Variants in AFF2 observed in about 807,000 individuals in gnomAD.
AFF2 encodes the protein AF4/FMR2 family member 2.
AFF2 carries 14 observed loss-of-function variants against 76.9 expected under a neutral mutation model. That is an observed-to-expected ratio of 0.18 (90% CI 0.12 to 0.28). AFF2 has a LOEUF of 0.28. Ranked by LOEUF, AFF2 falls within the 10% of genes least tolerant of loss-of-function variation. The pLI, the probability that AFF2 is intolerant of heterozygous loss-of-function variation, is 1.00. For missense variants in AFF2, 868 were observed against 1,001.1 expected (o/e 0.87, Z 1.79); for synonymous variants, 398 against 366.7 (o/e 1.09, Z -0.98).
In AFF2 at chrX:148,708,585, T is replaced by G. The variant is rs2054916600; in HGVS notation, c.1041+45817T>G. Among the ~76,000 whole-genome samples the G allele has an allele frequency of 2.7e-5, 3 of 112,055 alleles. No individual in the cohort carries two copies. In the South Asian group the frequency reaches 1.1e-3, roughly 42 times the overall value. On this transcript the variant is annotated intron_variant, in intron 3 of 20. Transcript: ENST00000370460. ...AGATTTCATGGGTCAACTTGTTTGT[T>G]TAAATGTAGTCCCAGATACTCGAGC...
chrX:148,749,947 C>CTTTATTTATTTATTTA lies in AFF2; in HGVS notation c.1042-59909_1042-59894dup, dbSNP rs56019532. On this transcript the variant is annotated intron_variant, in intron 3 of 20. Transcript: ENST00000370460. ...CACCATGATGCTGAGGGCCTGCACC[C>CTTTATTTATTTATTTA]TTTATTTATTTATTTATTTATTTAT... 2.9e-3 allele frequency among the ~76,000 whole-genome samples: 291 copies of CTTTATTTATTTATTTA among 101,761 alleles called. 1 individual carries two copies. Among genetic ancestry groups the CTTTATTTATTTATTTA allele is most frequent in the Non-Finnish European group, 4.3e-3 (215 of 50,029 alleles). 88.4% of individuals were successfully genotyped at this position (101,761 alleles called of 115,157 possible).
At chrX:148,954,828 C>T (rs782114910) in intron 10 of AFF2, among the ~76,000 whole-genome samples, 21 of 111,888 alleles carry the variant, frequency 1.9e-4, no homozygotes, top group African/African-American at 5.2e-4. Flanking sequence ...GTTTTTAATT[C>T]TGTCACCCTC....
In AFF2 at chrX:148,653,216, A is replaced by C. The variant is rs185696327; in HGVS notation, c.180+1085A>C. 2.1e-3 allele frequency among the ~76,000 whole-genome samples: 234 copies of C among 112,034 alleles called. 1 individual carries two copies. The highest frequency in any genetic ancestry group is 6.8e-3 in the African/African-American group (211 of 30,831). ...CTAAGCTACTGGTTTTCAATCTGTC[A>C]GTAATAGTATGATCCCTAAAAAAGC... On this transcript the variant is annotated intron_variant, in intron 2 of 20. Coordinates refer to ENST00000370460, the MANE Select transcript of AFF2 (RefSeq NM_002025.4).
At chrX:148,506,647 T>G (rs782756135) in intron 1 of AFF2, among the ~76,000 whole-genome samples, 1 of 111,120 alleles carries the variant, frequency 9.0e-6, no homozygotes, top group East Asian at 2.8e-4. Flanking sequence ...ATCTGAATGC[T>G]CAAATTTTGA....
At chrX:148,953,990 G>A (rs1161483126) in intron 10 of AFF2, among the ~76,000 whole-genome samples, 12 of 112,215 alleles carry the variant, frequency 1.1e-4, no homozygotes, top group Admixed American at 9.4e-4. Flanking sequence ...GACTCACTTA[G>A]CTTCTCTTAG....
At chrX:148,724,249 C>A (rs1309937738) in intron 3 of AFF2, among the ~76,000 whole-genome samples, 1 of 110,802 alleles carries the variant, frequency 9.0e-6, no homozygotes, top group Non-Finnish European at 1.9e-5. Context: ...TCTCCTATGG[C>A]AGACCTCAGA....
chrX:148,833,684 C>G (rs2124662774), intron 4 of AFF2, among the ~76,000 whole-genome samples: 1 of 111,442 alleles, frequency 9.0e-6, no homozygotes, highest in African/African-American at 3.3e-5. Context: ...TGCTGTGTGA[C>G]CTTGGACAAG....
chrX:148,971,598 C>T (rs2072252870), intron 15 of AFF2, among the ~76,000 whole-genome samples: 1 of 107,932 alleles, frequency 9.3e-6, no homozygotes, highest in African/African-American at 3.4e-5. Context: ...ACCTTCCCGC[C>T]TCTCATTTCT....
chrX:148,666,375 A>G (rs1177247701), intron 3 of AFF2, among the ~76,000 whole-genome samples: 1 of 110,822 alleles, frequency 9.0e-6, no homozygotes, highest in Non-Finnish European at 1.9e-5. Context: ...TCATGAAGTC[A>G]AGAGATCTAG....
chrX:148,934,986 G>A (rs1313054945), intron 9 of AFF2, among the ~76,000 whole-genome samples: 2 of 111,207 alleles, frequency 1.8e-5, no homozygotes, highest in Non-Finnish European at 3.8e-5. Flanking sequence ...TATATGGATG[G>A]GTGATTGGTT....
chrX:148,548,165 G>A (rs2052946580), intron 1 of AFF2, among the ~76,000 whole-genome samples: 1 of 112,407 alleles, frequency 8.9e-6, no homozygotes, highest in East Asian at 2.8e-4. Flanking sequence ...GTTTGTTAAT[G>A]TAAGTGCTCC....
intron 1 of AFF2, among the ~76,000 whole-genome samples, chrX:148,508,592 A>T (rs2052449468): frequency 1.8e-5 from 2 of 111,818 alleles, no homozygotes; most frequent in Non-Finnish European, 3.8e-5. Flanking sequence ...TGACAACCTG[A>T]CTATCTGTTG....
At chrX:148,505,094 G>A (rs782720864) in intron 1 of AFF2, among the ~76,000 whole-genome samples, 3 of 111,891 alleles carry the variant, frequency 2.7e-5, no homozygotes, top group Non-Finnish European at 5.6e-5. Flanking sequence ...TCTTAAAAGG[G>A]AGACTGCCTA....
chrX:148,877,842 G>C (rs960573874), intron 7 of AFF2, among the ~76,000 whole-genome samples: 42 of 112,158 alleles, frequency 3.7e-4, no homozygotes, highest in African/African-American at 1.3e-3. Context: ...TAGTATTTCA[G>C]TTGTTTTGGA....
chrX:148,709,552 TTTGAGTAGTGTATGATACA>T (rs1319059310), intron 3 of AFF2, among the ~76,000 whole-genome samples: 1 of 112,483 alleles, frequency 8.9e-6, no homozygotes, highest in Non-Finnish European at 1.9e-5. Flanking sequence ...TGTTAAATCC[TTTGAGTAGTGTATGATACA>T]TTGTAATCAC....
At position 148,879,774 on chromosome X, in the gene AFF2, A is replaced by G. The variant is rs1278192373; in HGVS notation, c.1263-6115A>G. 2.6e-4 allele frequency among the ~76,000 whole-genome samples: 6 copies of G among 23,432 alleles called. 1 individual carries two copies. Among genetic ancestry groups the G allele is most frequent in the Middle Eastern group, 0.062 (2 of 32 alleles). The allele number at this position is 23,432 out of a possible 115,157, so 20.3% of individuals were successfully genotyped here. On this transcript the variant is annotated intron_variant, in intron 7 of 20. Transcript: ENST00000370460. ...CTTTTGATTTTTTTACACATTTAAA[A>G]ATGAAAAAAAAAAAACTGTTCTAAA...
At chrX:148,510,202 A>G (rs1248469746) in intron 1 of AFF2, among the ~76,000 whole-genome samples, 1 of 112,276 alleles carries the variant, frequency 8.9e-6, no homozygotes, top group Non-Finnish European at 1.9e-5. Flanking sequence ...TTCAGGCACT[A>G]TGCTAGTTCT....
At chrX:148,856,573 G>T (rs2070788270) in intron 7 of AFF2, among the ~76,000 whole-genome samples, 1 of 111,311 alleles carries the variant, frequency 9.0e-6, no homozygotes, top group African/African-American at 3.3e-5. Flanking sequence ...CACCTCCTCA[G>T]AGGTAGTGGA....
chrX:148,915,673 C>T (rs1239163135), intron 9 of AFF2, among the ~76,000 whole-genome samples: 1 of 112,446 alleles, frequency 8.9e-6, no homozygotes, highest in East Asian at 2.8e-4. Flanking sequence ...ACAACTTATT[C>T]ATCTCTCTCA....
Sources: allele counts gnomAD v4.1 joint callset (sites outside exome capture counted in the v4.1 genomes callset), GRCh38; gene constraint gnomAD v4.1.1; transcripts MANE v1.5; gene names NCBI Gene and HGNC (gene_info 2026-07-23, HGNC 2026-07-21).